The following FAM81B variants were observed in gnomAD, a reference collection of about 807,000 sequenced individuals.
FAM81B encodes the protein family with sequence similarity 81 member B, also known as protein FAM81B.
In FAM81B, 60 loss-of-function variants were observed where a neutral mutation model predicts 58.7. That is an observed-to-expected ratio of 1.02 (90% CI 0.83 to 1.27). The LOEUF is 1.27. FAM81B is among the 50% of genes most tolerant of loss of function. The pLI is 0.00. For missense variants in FAM81B, 491 were observed against 522.0 expected (o/e 0.94, Z 0.58); for synonymous variants, 189 against 179.6 (o/e 1.05, Z -0.42).
intron 3 of FAM81B, among the ~76,000 whole-genome samples, chr5:95,409,681 C>T (rs981955386): frequency 8.5e-5 from 13 of 152,130 alleles, no homozygotes; most frequent in African/African-American, 3.1e-4. Flanking sequence ...CTTCACTGGG[C>T]AGTTGAAGCC....
At chr5:95,394,987 T>C (rs576325943) in intron 2 of FAM81B, among the ~76,000 whole-genome samples, 2 of 152,232 alleles carry the variant, frequency 1.3e-5, no homozygotes, top group South Asian at 4.1e-4. Flanking sequence ...CACAGTAACA[T>C]AAAGCAAGAA....
chr5:95,414,198 T>TC lies in FAM81B; in HGVS notation c.537+9dup, dbSNP rs1274698198. 1 of 1,584,722 alleles carries TC rather than the reference T, an allele frequency of 6.3e-7. No individual in the cohort carries two copies. Among genetic ancestry groups the TC allele is most frequent in the Admixed American group, 1.8e-5 (1 of 55,492 alleles). ...CTCAGCCAAAATATTGAGGTAGTTC[T>TC]CTTTTTGTTTTATTTTGTTTTTGTT... is the stretch of plus-strand genomic sequence containing the variant. On this transcript the variant is annotated intron_variant, in intron 4 of 9. Coordinates refer to ENST00000283357, the MANE Select transcript of FAM81B (RefSeq NM_152548.3).
At chr5:95,401,654 G>A (rs1762117767) in intron 3 of FAM81B, among the ~76,000 whole-genome samples, 1 of 152,022 alleles carries the variant, frequency 6.6e-6, no homozygotes, top group African/African-American at 2.4e-5. Flanking sequence ...TCATAAAAAT[G>A]TAGAAATCTT....
chr5:95,393,051 A>G (rs1044094384), intron 2 of FAM81B, among the ~76,000 whole-genome samples, 154 bp downstream of exon 2: 2 of 152,230 alleles, frequency 1.3e-5, no homozygotes, highest in African/African-American at 4.8e-5. Context: ...TGAAAACACA[A>G]GCTGAAAAGA....
Position 95,432,119 on chromosome 5 carries a change from A to G in FAM81B, c.786+3387A>G, listed in dbSNP as rs550465556. On this transcript the variant is annotated intron_variant, in intron 6 of 9. Transcript: ENST00000283357. Reference sequence around the variant, plus strand: ...TCCTATATTATTGAATTTTTTAGAAATCAAAAACGATTATTGAATTTTATC... The same window carrying G: ...TCCTATATTATTGAATTTTTTAGAAGTCAAAAACGATTATTGAATTTTATC... Among the ~76,000 whole-genome samples, 6 of 152,178 alleles carry G rather than the reference A, an allele frequency of 3.9e-5. No homozygotes were observed. In the East Asian group the frequency reaches 1.2e-3, roughly 29 times the overall value.
At chr5:95,394,402 C>A (rs774432362) in intron 2 of FAM81B, among the ~76,000 whole-genome samples, 3 of 152,080 alleles carry the variant, frequency 2.0e-5, no homozygotes, top group Non-Finnish European at 1.5e-5. Context: ...AGGGACCAAC[C>A]GGTTGCTGAG....
intron 5 of FAM81B, chr5:95,424,194 G>A: frequency 7.8e-7 from 1 of 1,289,802 alleles, no homozygotes; most frequent in Non-Finnish European, 1.0e-6. Context: ...TCTGCAGGTA[G>A]CAGAAACATT....
intron 4 of FAM81B, among the ~76,000 whole-genome samples, chr5:95,418,907 C>A (rs1762607057): frequency 6.6e-6 from 1 of 151,906 alleles, no homozygotes; most frequent in Non-Finnish European, 1.5e-5. Flanking sequence ...AGCCCCCAGC[C>A]CACTTGTGAA....
Position 95,446,648 on chromosome 5 carries a change from A to T in FAM81B, c.980A>T (p.Asp327Val), listed in dbSNP as rs752887222. 2.5e-6 allele frequency: 4 copies of T among 1,613,328 alleles called. No homozygotes were observed. The African/African-American group carries it at 4.0e-5, about 16-fold the overall frequency. Residue 327 changes from aspartate to valine, a missense_variant, in exon 8 of 10, where the codon GAC becomes GTC. Coordinates refer to ENST00000283357, the MANE Select transcript of FAM81B (RefSeq NM_152548.3). ...TENQFLKYRK[D>V]HLGHINECLK... is the part of the protein sequence containing the mutation. The stretch of plus-strand genomic sequence containing the variant: ...AACCAATTTCTCAAATATAGAAAAG[A>T]CCACCTGGGCCATATAAATGAATGT...
chr5:95,414,264 T>G, intron 4 of FAM81B, 74 bp downstream of exon 4: 4 of 1,474,166 alleles, frequency 2.7e-6, no homozygotes, highest in Non-Finnish European at 3.7e-6. Context: ...TTATCAACCA[T>G]CAGTGTCATT....
rs989841563 is a variant in FAM81B at position 95,432,264 on chromosome 5, G to A, written c.786+3532G>A. ...AATTACACTCATTATGATGTATTTT[G>A]TTGTGGTGCAGGATAATGTTTGCTG... On this transcript the variant is annotated intron_variant, in intron 6 of 9. Transcript: ENST00000283357. Among the ~76,000 whole-genome samples, 4 of 151,974 alleles carry A rather than the reference G, an allele frequency of 2.6e-5. 1 individual carries two copies. The highest frequency in any genetic ancestry group is 4.1e-4 in the South Asian group (2 of 4,826).
At chr5:95,448,597 C>A in intron 9 of FAM81B, 133 bp downstream of exon 9, 1 of 812,950 alleles carries the variant, frequency 1.2e-6, no homozygotes, top group South Asian at 1.9e-5. Flanking sequence ...TTCCACTTTT[C>A]TAAATATCCT....
intron 6 of FAM81B, among the ~76,000 whole-genome samples, chr5:95,436,248 G>A (rs2152768640): frequency 6.6e-6 from 1 of 152,216 alleles, no homozygotes; most frequent in East Asian, 1.9e-4. Context: ...AATGCCCTAA[G>A]TCATTTCACT....
chr5:95,398,512 A>C (rs919470108), intron 3 of FAM81B, among the ~76,000 whole-genome samples: 1 of 152,200 alleles, frequency 6.6e-6, no homozygotes, highest in African/African-American at 2.4e-5. Context: ...ATTGACATGC[A>C]AACAGAGTAC....
chr5:95,434,050 A>G (rs1361055370), intron 6 of FAM81B, among the ~76,000 whole-genome samples: 1 of 152,200 alleles, frequency 6.6e-6, no homozygotes, highest in Non-Finnish European at 1.5e-5. Context: ...TATTTTTAAA[A>G]TATTTGTTTT....
intron 3 of FAM81B, among the ~76,000 whole-genome samples, chr5:95,412,648 A>T (rs7703849): frequency 0.27 from 41,136 of 151,952 alleles, 5,756 homozygotes; most frequent in Non-Finnish European, 0.3. Flanking sequence ...GAAGCCTTGA[A>T]GGGACTTAAT....
intron 3 of FAM81B, among the ~76,000 whole-genome samples, chr5:95,410,241 G>A (rs1762371406): frequency 9.9e-5 from 15 of 152,180 alleles, no homozygotes; most frequent in Admixed American, 9.8e-4. Flanking sequence ...TGAGACCTGA[G>A]GGTAAAGGTC....
At chr5:95,435,408 C>G (rs1351329191) in intron 6 of FAM81B, among the ~76,000 whole-genome samples, 1 of 151,920 alleles carries the variant, frequency 6.6e-6, no homozygotes. Context: ...TTGAGATTTT[C>G]TTAATGTTGC....
intron 5 of FAM81B, among the ~76,000 whole-genome samples, chr5:95,426,094 G>GTGTATA (rs1491455240): frequency 4.0e-4 from 48 of 120,180 alleles, no homozygotes; most frequent in African/African-American, 1.1e-3. Context: ...ATCTCTGTGT[G>GTGTATA]TATATATATA....
Sources: allele counts gnomAD v4.1 joint callset (sites outside exome capture counted in the v4.1 genomes callset), GRCh38; gene constraint gnomAD v4.1.1; transcripts MANE v1.5; gene names NCBI Gene and HGNC (gene_info 2026-07-23, HGNC 2026-07-21).